The following GATC variants were observed in gnomAD, a reference collection of about 807,000 sequenced individuals.
GATC encodes the protein glutamyl-tRNA(Gln) amidotransferase subunit C, mitochondrial.
In GATC, 11 loss-of-function variants were observed where a neutral mutation model predicts 14.4. That is an observed-to-expected ratio of 0.77 (90% CI 0.48 to 1.27). The LOEUF is 1.27. Ranked by LOEUF, GATC falls within the 50% of genes most tolerant of loss-of-function variation. The pLI is 0.00. For missense variants in GATC, 204 were observed against 183.0 expected (o/e 1.11, Z -0.66); for synonymous variants, 76 against 79.3 (o/e 0.96, Z 0.22).
rs1463709131 is a variant in GATC, at chr12:120,451,878, T to TTTTTTTTTTC, written c.254+5058_254+5059insCTTTTTTTTT. ...GGGCTAATAAATTATATAAATTCTT[T>TTTTTTTTTTC]TTTTTTTTTTTTTTTTTGAGCTGGA... On this transcript the variant is annotated intron_variant, in intron 2 of 3. Transcript: ENST00000551765. Among the ~76,000 whole-genome samples the TTTTTTTTTTC allele has an allele frequency of 2.4e-5, 3 of 124,692 alleles. 1 individual carries two copies. The highest frequency in any genetic ancestry group is 1.7e-5 in the Non-Finnish European group (1 of 58,318). 81.8% of individuals were successfully genotyped at this position (124,692 alleles called of 152,430 possible).
intron 2 of GATC, among the ~76,000 whole-genome samples, chr12:120,455,641 A>G (rs563833201): frequency 6.6e-6 from 1 of 152,234 alleles, no homozygotes; most frequent in East Asian, 1.9e-4. Flanking sequence ...TGGGTGCCAC[A>G]AAAAAAGAAC....
intron 2 of GATC, among the ~76,000 whole-genome samples, chr12:120,453,094 G>C (rs1878093624): frequency 6.6e-6 from 1 of 152,112 alleles, no homozygotes; most frequent in South Asian, 2.1e-4. Context: ...GAAGTAGAGG[G>C]GTCCACAAGA....
chr12:120,451,001 G>A (rs771907077), intron 2 of GATC, among the ~76,000 whole-genome samples: 6 of 151,826 alleles, frequency 4.0e-5, no homozygotes, highest in South Asian at 4.2e-4. Context: ...AAAATTTGCC[G>A]GGCATGGTGG....
Position 120,463,173 on chromosome 12 carries a change from C to T in GATC, c.*3214C>T, listed in dbSNP as rs555743327. On this transcript the variant is annotated 3_prime_UTR_variant, in exon 4 of 4. Coordinates refer to ENST00000551765, the MANE Select transcript of GATC (RefSeq NM_176818.3). The stretch of plus-strand genomic sequence containing the variant: ...TCAATGGTACCAAAGGGATAGTCAC[C>T]ACCTCAATCAAACTGAGATCCAAAA... 54 of 152,304 alleles carry T rather than the reference C, an allele frequency of 3.5e-4. No homozygotes were observed. The highest frequency in any genetic ancestry group is 1.2e-3 in the African/African-American group (50 of 41,558). The allele number at this position is 152,304 out of a possible 1,614,324, so 9.4% of individuals were successfully genotyped here. A position where few individuals can be genotyped will look rare whatever the true frequency, so the allele number is the denominator to read the frequency against.
chr12:120,456,291 A>G (rs1006396792), intron 2 of GATC, among the ~76,000 whole-genome samples: 1 of 152,204 alleles, frequency 6.6e-6, no homozygotes, highest in Non-Finnish European at 1.5e-5. Flanking sequence ...TAAAGTCACT[A>G]GGTCCCACAG....
intron 3 of GATC, among the ~76,000 whole-genome samples, chr12:120,459,592 C>T (rs1387082772): frequency 6.6e-6 from 1 of 152,212 alleles, no homozygotes; most frequent in African/African-American, 2.4e-5. Context: ...CGCGGTGGCT[C>T]ATGCCTGTAA....
chr12:120,453,181 G>A (rs1323925783), intron 2 of GATC, among the ~76,000 whole-genome samples: 1 of 152,198 alleles, frequency 6.6e-6, no homozygotes. Flanking sequence ...CCATCAGTGA[G>A]TCCAAGGGCT....
At position 120,456,950 on chromosome 12, in the gene GATC, T is replaced by C. The variant is rs964356701; in HGVS notation, c.255-126T>C. The C allele has an allele frequency of 7.4e-6, 5 of 671,254 alleles. 1 individual carries two copies. The South Asian group carries it at 8.7e-5, about 12-fold the overall frequency. The allele number at this position is 671,254 out of a possible 1,614,324, so 41.6% of individuals were successfully genotyped here. On this transcript the variant is annotated intron_variant, in intron 2 of 3. Transcript: ENST00000551765. ...TCTACTGTTGATCCCAGCTTCTCTATCTTTGAACAGTGCCCATTAACTCAA... is the reference window on the plus strand; with the variant it reads ...TCTACTGTTGATCCCAGCTTCTCTACCTTTGAACAGTGCCCATTAACTCAA...
chr12:120,453,109 A>G (rs1878094062), intron 2 of GATC, among the ~76,000 whole-genome samples: 1 of 151,526 alleles, frequency 6.6e-6, no homozygotes, highest in South Asian at 2.1e-4. Flanking sequence ...ACAAGAAGCT[A>G]TTCCTTCCAG....
At chr12:120,448,127 GC>G (rs1296800627) in intron 2 of GATC, among the ~76,000 whole-genome samples, 1 of 152,004 alleles carries the variant, frequency 6.6e-6, no homozygotes, top group African/African-American at 2.4e-5. Context: ...TCACTATGTT[GC>G]CCAGGCTGGT....
Position 120,461,451 on chromosome 12 carries a change from T to C in GATC, c.*1492T>C, listed in dbSNP as rs1421202615. ...GCTTTTTTCTTTAAGGCAGCCTAAT[T>C]TACAAGCTTGGCCTTGAATTAAAAG... On this transcript the variant is annotated 3_prime_UTR_variant, in exon 4 of 4. Transcript: ENST00000551765. 2.0e-5 allele frequency: 3 copies of C among 152,176 alleles called. No individual in the cohort carries two copies. The highest frequency in any genetic ancestry group is 2.9e-5 in the Non-Finnish European group (2 of 68,052). 9.4% of individuals were successfully genotyped at this position (152,176 alleles called of 1,614,324 possible).
chr12:120,461,597 C>T lies in GATC; in HGVS notation c.*1638C>T, dbSNP rs563807114. On this transcript the variant is annotated 3_prime_UTR_variant, in exon 4 of 4. Transcript: ENST00000551765. ...AACTGGGTACAAGTTATGACTACAA[C>T]TCAGTGATTTTTTAAATTAGTGTGC... 1 of 153,778 alleles carries T rather than the reference C, an allele frequency of 6.5e-6. No individual in the cohort carries two copies. Among genetic ancestry groups the T allele is most frequent in the African/African-American group, 2.4e-5 (1 of 41,582 alleles). The allele number at this position is 153,778 out of a possible 1,614,324, so 9.5% of individuals were successfully genotyped here.
Position 120,448,642 on chromosome 12 carries a change from C to CTTTT in GATC, c.254+1831_254+1834dup, listed in dbSNP as rs71451885. ...CTGCACTGGCCAAAAAAGTCCATTC[C>CTTTT]TTTTTTTTTTTTTTTTTTTTTGAGA... On this transcript the variant is annotated intron_variant, in intron 2 of 3. Coordinates refer to ENST00000551765, the MANE Select transcript of GATC (RefSeq NM_176818.3). Among the ~76,000 whole-genome samples the CTTTT allele has an allele frequency of 6.7e-3, 583 of 87,448 alleles. 36 individuals carry two copies. Among genetic ancestry groups the CTTTT allele is most frequent in the African/African-American group, 0.026 (498 of 19,444 alleles). 57.4% of individuals were successfully genotyped at this position (87,448 alleles called of 152,430 possible).
intron 2 of GATC, chr12:120,455,070 T>C (rs1040538269): frequency 1.2e-5 from 5 of 402,084 alleles, no homozygotes; most frequent in South Asian, 7.0e-5. Context: ...ATATTTTTAG[T>C]AGAGACAGGG....
intron 2 of GATC, among the ~76,000 whole-genome samples, chr12:120,450,186 C>A (rs1269745037): frequency 6.6e-6 from 1 of 152,066 alleles, no homozygotes; most frequent in Non-Finnish European, 1.5e-5. Context: ...GGGAAAAGGT[C>A]GTGAAAAAAG....
intron 2 of GATC, among the ~76,000 whole-genome samples, chr12:120,454,157 A>T (rs1004867284): frequency 4.6e-5 from 7 of 152,206 alleles, no homozygotes; most frequent in African/African-American, 1.7e-4. Context: ...GTTGTGCCTC[A>T]TCAGGAGTGC....
At chr12:120,456,733 T>C (rs1468207523) in intron 2 of GATC, among the ~76,000 whole-genome samples, 1 of 152,204 alleles carries the variant, frequency 6.6e-6, no homozygotes, top group Admixed American at 6.6e-5. Context: ...ACCCTTTCTA[T>C]CCTTTGGCAG....
In GATC at chr12:120,462,407, C is replaced by T; in HGVS notation, c.*2448C>T. Reference sequence around the variant, plus strand: ...TTTGCCCAAGGTAACACAATAAATGCCAATTTGACATGTTGATACTCAATT... The same window carrying T: ...TTTGCCCAAGGTAACACAATAAATGTCAATTTGACATGTTGATACTCAATT... On this transcript the variant is annotated 3_prime_UTR_variant, in exon 4 of 4. Transcript: ENST00000551765. The T allele has an allele frequency of 2.7e-6, 1 of 371,774 alleles. No homozygotes were observed. Among genetic ancestry groups the T allele is most frequent in the Non-Finnish European group, 4.9e-6 (1 of 205,846 alleles). 23.0% of individuals were successfully genotyped at this position (371,774 alleles called of 1,614,324 possible). A position where few individuals can be genotyped will look rare whatever the true frequency, so the allele number is the denominator to read the frequency against.
chr12:120,453,934 T>C, intron 2 of GATC, among the ~76,000 whole-genome samples: 1 of 152,190 alleles, frequency 6.6e-6, no homozygotes, highest in Non-Finnish European at 1.5e-5. Flanking sequence ...TGTATGTATG[T>C]ATGTACATAC....
Sources: gnomAD v4.1 joint callset for allele counts (sites outside exome capture counted in the v4.1 genomes callset) on GRCh38, gnomAD v4.1.1 for gene constraint, MANE v1.5 for transcripts, NCBI Gene and HGNC (gene_info 2026-07-23, HGNC 2026-07-21) for gene names.